Variants in KCNH7 observed in about 807,000 individuals in gnomAD.
KCNH7 encodes potassium voltage-gated channel subfamily H member 7.
KCNH7 carries 49 observed loss-of-function variants against 120.8 expected under a neutral mutation model. That is an observed-to-expected ratio of 0.41 (90% CI 0.32 to 0.51). KCNH7 has a LOEUF of 0.51. KCNH7 is among the 20% of genes least tolerant of loss of function. The probability of loss-of-function intolerance (pLI) is 0.38; values close to 1 mark genes in which losing one functional copy is unlikely to be tolerated. For missense variants in KCNH7, 1,097 were observed against 1,446.6 expected, an observed-to-expected ratio of 0.76 and a Z score of 3.92; for synonymous variants, 547 against 516.1, an observed-to-expected ratio of 1.06 and a Z score of -0.81.
At chr2:162,582,572 C>T (rs1693909981) in intron 2 of KCNH7, among the ~76,000 whole-genome samples, 1 of 152,118 alleles carries the variant, frequency 6.6e-6, no homozygotes, top group Non-Finnish European at 1.5e-5. Context: ...TTGAAGCCAG[C>T]CCTGCTGAAG....
intron 2 of KCNH7, among the ~76,000 whole-genome samples, chr2:162,563,813 C>T (rs771356598): frequency 6.6e-6 from 1 of 152,132 alleles, no homozygotes; most frequent in African/African-American, 2.4e-5. Context: ...AATCTGTCAT[C>T]TTACAAAGAA....
intron 2 of KCNH7, among the ~76,000 whole-genome samples, chr2:162,670,649 A>G (rs1209312242): frequency 1.3e-5 from 2 of 151,976 alleles, no homozygotes; most frequent in African/African-American, 4.8e-5. Context: ...TTTGTCAAAT[A>G]AGCTATGTAG....
intron 2 of KCNH7, among the ~76,000 whole-genome samples, chr2:162,741,710 A>T (rs778739916): frequency 1.3e-5 from 2 of 152,120 alleles, no homozygotes; most frequent in Non-Finnish European, 2.9e-5. Flanking sequence ...ACATAATGGT[A>T]TTTTATGTTT....
chr2:162,687,202 A>G lies in KCNH7; in HGVS notation c.307+149335T>C, dbSNP rs143530346. On this transcript the variant is annotated intron_variant, in intron 2 of 15. Coordinates refer to ENST00000332142, the MANE Select transcript of KCNH7 (RefSeq NM_033272.4). ...TCACGCCTCACTCCCTCACATTCAC[A>G]ACCTTGACGATTTGCGTTGCCATGT... Among the ~76,000 whole-genome samples the G allele has an allele frequency of 1.4e-4, 22 of 152,052 alleles. 1 individual carries two copies. The highest frequency in any genetic ancestry group is 5.3e-4 in the African/African-American group (22 of 41,504).
chr2:162,764,045 T>C (rs1403409529), intron 2 of KCNH7, among the ~76,000 whole-genome samples: 2 of 152,088 alleles, frequency 1.3e-5, no homozygotes, highest in Non-Finnish European at 2.9e-5. Context: ...ATAAAGTTCC[T>C]CTTTAGTATT....
At chr2:162,416,850 C>G (rs1051307862) in intron 9 of KCNH7, among the ~76,000 whole-genome samples, 1 of 152,056 alleles carries the variant, frequency 6.6e-6, no homozygotes, top group South Asian at 2.1e-4. Context: ...AATAGGACCC[C>G]AAGATGCAAA....
At chr2:162,726,282 G>GT (rs377412503) in intron 2 of KCNH7, among the ~76,000 whole-genome samples, 9 of 152,086 alleles carry the variant, frequency 5.9e-5, no homozygotes, top group African/African-American at 2.2e-4. Flanking sequence ...ACCAAATAAG[G>GT]TAAGTGTTTA....
rs553815526 is a variant in KCNH7, at chr2:162,538,853, T to C, written c.308-1773A>G. Among the ~76,000 whole-genome samples the C allele has an allele frequency of 6.6e-5, 10 of 152,236 alleles. No individual in the cohort carries two copies. In the East Asian group the frequency reaches 7.8e-4, roughly 12 times the overall value. On this transcript the variant is annotated intron_variant, in intron 2 of 15. Coordinates refer to ENST00000332142, the MANE Select transcript of KCNH7 (RefSeq NM_033272.4). ...CAGATATACTTTTAGAAAGACTTTT[T>C]GTAAGTTAGGAATGCCTATGTGCTC...
intron 2 of KCNH7, among the ~76,000 whole-genome samples, chr2:162,669,133 A>G (rs994334633): frequency 6.6e-6 from 1 of 152,178 alleles, no homozygotes; most frequent in African/African-American, 2.4e-5. Flanking sequence ...ATAGAGAAAG[A>G]TAAGCAGAAA....
intron 2 of KCNH7, among the ~76,000 whole-genome samples, chr2:162,818,594 G>T (rs1684996525): frequency 6.6e-6 from 1 of 152,038 alleles, no homozygotes; most frequent in African/African-American, 2.4e-5. Flanking sequence ...ATTTTTGAAT[G>T]ACTTTTAGTC....
chr2:162,836,519 T>G lies in KCNH7; in HGVS notation c.307+18A>C. 6.3e-7 allele frequency: 1 copy of G among 1,596,268 alleles called. No homozygotes were observed. Among genetic ancestry groups the G allele is most frequent in the Non-Finnish European group, 8.6e-7 (1 of 1,164,420 alleles). On this transcript the variant is annotated intron_variant, in intron 2 of 15. Coordinates refer to ENST00000332142, the MANE Select transcript of KCNH7 (RefSeq NM_033272.4). The stretch of plus-strand genomic sequence containing the variant: ...CAATGGGATCAAATAGAAGGAATCC[T>G]AAATAGAGGAATTTTACCATTTTTG...
chr2:162,761,710 A>G (rs1688972732), intron 2 of KCNH7, among the ~76,000 whole-genome samples: 2 of 152,060 alleles, frequency 1.3e-5, no homozygotes, highest in African/African-American at 4.8e-5. Context: ...TAATCTGGCA[A>G]TGTTTACCTA....
At chr2:162,637,446 GCTCATATGCTATCAACTGATATA>G (rs1232831154) in intron 2 of KCNH7, among the ~76,000 whole-genome samples, 2 of 152,044 alleles carry the variant, frequency 1.3e-5, no homozygotes, top group Admixed American at 1.3e-4. Flanking sequence ...TAATTAGAAA[GCTCATATGCTATCAACTGATATA>G]TTAGTCAAAG....
intron 3 of KCNH7, among the ~76,000 whole-genome samples, chr2:162,536,018 A>G (rs1574074720): frequency 6.6e-6 from 1 of 151,878 alleles, no homozygotes; most frequent in African/African-American, 2.4e-5. Context: ...TAAGCTTACA[A>G]TGCATCAGAG....
intron 2 of KCNH7, among the ~76,000 whole-genome samples, chr2:162,667,036 T>G (rs79433792): frequency 1.7e-5 from 2 of 117,932 alleles, no homozygotes; most frequent in South Asian, 5.2e-4. Flanking sequence ...TTTTTTTTTT[T>G]GGAGTCATGA....
intron 6 of KCNH7, among the ~76,000 whole-genome samples, chr2:162,486,989 C>T (rs1255045339): frequency 1.3e-5 from 2 of 152,122 alleles, no homozygotes; most frequent in Non-Finnish European, 2.9e-5. Context: ...GACAAGTATT[C>T]TGCAAGGAAG....
chr2:162,835,174 A>G (rs1685614672), intron 2 of KCNH7, among the ~76,000 whole-genome samples: 1 of 152,090 alleles, frequency 6.6e-6, no homozygotes, highest in African/African-American at 2.4e-5. Flanking sequence ...AAGAACTTTA[A>G]AAACAATTTC....
At chr2:162,403,001 C>T (rs1223452288) in intron 9 of KCNH7, among the ~76,000 whole-genome samples, 1 of 151,944 alleles carries the variant, frequency 6.6e-6, no homozygotes, top group Non-Finnish European at 1.5e-5. Flanking sequence ...CTTAACTTCT[C>T]TGAAAATCAG....
intron 2 of KCNH7, among the ~76,000 whole-genome samples, chr2:162,585,057 C>A (rs1159463812): frequency 6.6e-6 from 1 of 151,874 alleles, no homozygotes; most frequent in African/African-American, 2.4e-5. Flanking sequence ...CACTTCTGGG[C>A]AAGAGTAGAG....
Sources: allele counts gnomAD v4.1 joint callset (sites outside exome capture counted in the v4.1 genomes callset), GRCh38; gene constraint gnomAD v4.1.1; transcripts MANE v1.5; gene names NCBI Gene and HGNC (gene_info 2026-07-23, HGNC 2026-07-21).